DAB1: variants seen among roughly 807,000 people sequenced by gnomAD.
DAB1 encodes the protein disabled homolog 1.
DAB1 carries 15 observed loss-of-function variants against 64.6 expected under a neutral mutation model. That is an observed-to-expected ratio of 0.23 (90% confidence interval 0.16 to 0.36). The LOEUF (loss-of-function observed/expected upper bound fraction) is 0.36. DAB1 is among the 10% of genes least tolerant of loss of function. The pLI is 1.00. For synonymous variants in DAB1, 235 were observed against 251.9 expected, an observed-to-expected ratio of 0.93 and a Z score of 0.64; for missense variants, 596 against 706.7, an observed-to-expected ratio of 0.84 and a Z score of 1.78.
intron 4 of DAB1, among the ~76,000 whole-genome samples, chr1:58,212,583 G>A (rs1658613816): frequency 1.3e-5 from 2 of 152,116 alleles, no homozygotes; most frequent in African/African-American, 4.8e-5. Flanking sequence ...GGCATATTCA[G>A]TGTTATGGAA....
chr1:57,009,812 C>G (rs749860227), intron 14 of DAB1, among the ~76,000 whole-genome samples: 3 of 152,166 alleles, frequency 2.0e-5, no homozygotes. Context: ...CTCTTTCTTT[C>G]GATCAAATCA....
intron 5 of DAB1, among the ~76,000 whole-genome samples, chr1:57,955,139 C>T (rs987959715): frequency 1.3e-5 from 2 of 152,128 alleles, no homozygotes; most frequent in African/African-American, 2.4e-5. Flanking sequence ...TTGAAATATA[C>T]AGTCTGTTCT....
At chr1:58,275,138 AT>A (rs1359434970) in intron 4 of DAB1, among the ~76,000 whole-genome samples, 9 of 152,366 alleles carry the variant, frequency 5.9e-5, no homozygotes, top group South Asian at 4.1e-4. Flanking sequence ...ATATAAAAAA[AT>A]AAATTTAGAC....
At chr1:58,088,500 C>T (rs1650453223) in intron 5 of DAB1, among the ~76,000 whole-genome samples, 2 of 152,098 alleles carry the variant, frequency 1.3e-5, no homozygotes, top group African/African-American at 4.8e-5. Flanking sequence ...GGGGAAATAG[C>T]CACCAGGAAG....
At chr1:58,514,298 G>A (rs1646126967) in intron 2 of DAB1, among the ~76,000 whole-genome samples, 1 of 152,106 alleles carries the variant, frequency 6.6e-6, no homozygotes, top group African/African-American at 2.4e-5. Context: ...AAAGAATACA[G>A]CAGTATAAAA....
intron 4 of DAB1, among the ~76,000 whole-genome samples, chr1:58,251,070 C>A (rs953991172): frequency 6.6e-6 from 1 of 152,192 alleles, no homozygotes. Context: ...GCTTCCATTT[C>A]TTCATCTACA....
intron 1 of DAB1, among the ~76,000 whole-genome samples, chr1:57,330,139 T>G (rs187134689): frequency 2.6e-4 from 39 of 152,296 alleles, no homozygotes; most frequent in Admixed American, 7.8e-4. Flanking sequence ...TTCCTTCACT[T>G]AAGCAACCTG....
intron 6 of DAB1, among the ~76,000 whole-genome samples, chr1:57,688,438 G>A (rs1332597731): frequency 2.0e-5 from 3 of 152,204 alleles, no homozygotes; most frequent in Non-Finnish European, 4.4e-5. Flanking sequence ...AGGCTGTGGA[G>A]AAAAGGGAAT....
intron 6 of DAB1, among the ~76,000 whole-genome samples, chr1:57,759,570 G>A (rs556790654): frequency 1.3e-5 from 2 of 152,320 alleles, no homozygotes; most frequent in East Asian, 3.9e-4. Context: ...ATCATGCAGA[G>A]TATTATATCT....
At chr1:57,305,488 C>T (rs960203428) in intron 1 of DAB1, among the ~76,000 whole-genome samples, 1 of 152,166 alleles carries the variant, frequency 6.6e-6, no homozygotes, top group African/African-American at 2.4e-5. Flanking sequence ...GTCAGCTTCC[C>T]AGAGCAGGAG....
chr1:57,777,099 T>G (rs533496683), intron 6 of DAB1, among the ~76,000 whole-genome samples: 92 of 151,494 alleles, frequency 6.1e-4, no homozygotes, highest in African/African-American at 2.2e-3. Flanking sequence ...GCTTTTTTTT[T>G]TTTAAAGCAC....
intron 1 of DAB1, among the ~76,000 whole-genome samples, chr1:57,366,856 T>C (rs1680040408): frequency 6.6e-6 from 1 of 151,910 alleles, no homozygotes; most frequent in Non-Finnish European, 1.5e-5. Context: ...CATGCTGTTC[T>C]GAATATCTCT....
chr1:57,914,002 G>T (rs1416091013), intron 5 of DAB1, among the ~76,000 whole-genome samples: 1 of 152,196 alleles, frequency 6.6e-6, no homozygotes, highest in East Asian at 1.9e-4. Flanking sequence ...CGGTGGGACT[G>T]TAAACCAGTT....
intron 2 of DAB1, among the ~76,000 whole-genome samples, chr1:58,513,167 C>T (rs996708560): frequency 3.9e-5 from 6 of 152,114 alleles, no homozygotes; most frequent in Admixed American, 2.0e-4. Context: ...ATGCTGTTCT[C>T]GTGATACTGA....
At chr1:57,993,234 T>G (rs763412940) in intron 5 of DAB1, among the ~76,000 whole-genome samples, 1 of 152,160 alleles carries the variant, frequency 6.6e-6, no homozygotes, top group African/African-American at 2.4e-5. Context: ...CAGAGAGGGC[T>G]AGAAATCTCT....
intron 3 of DAB1, among the ~76,000 whole-genome samples, chr1:58,494,069 G>C (rs1479608483): frequency 6.6e-6 from 1 of 152,096 alleles, no homozygotes; most frequent in African/African-American, 2.4e-5. Flanking sequence ...CCAAAACAGA[G>C]ATATAGACCA....
intron 2 of DAB1, among the ~76,000 whole-genome samples, chr1:57,201,543 G>C (rs984325074): frequency 5.9e-5 from 9 of 151,786 alleles, no homozygotes; most frequent in African/African-American, 2.2e-4. Context: ...CCAATTATGT[G>C]AGGGCCCTAT....
chr1:57,662,507 A>T (rs1646399553), intron 6 of DAB1, among the ~76,000 whole-genome samples: 1 of 152,182 alleles, frequency 6.6e-6, no homozygotes, highest in Non-Finnish European at 1.5e-5. Flanking sequence ...GGAGATTGTT[A>T]TATCACTCGT....
chr1:57,343,738 G>A (rs753879920), intron 1 of DAB1, among the ~76,000 whole-genome samples: 8 of 152,212 alleles, frequency 5.3e-5, no homozygotes, highest in South Asian at 4.1e-4. Context: ...CCCAGAACTC[G>A]CGCTGGCCCG....
Sources: allele counts gnomAD v4.1 joint callset (sites outside exome capture counted in the v4.1 genomes callset), GRCh38; gene constraint gnomAD v4.1.1; transcripts MANE v1.5; gene names NCBI Gene and HGNC (gene_info 2026-07-23, HGNC 2026-07-21).